FBXO28: variants seen among roughly 807,000 people sequenced by gnomAD.
FBXO28 encodes the protein F-box protein 28.
In FBXO28, 8 loss-of-function variants were observed where a neutral mutation model predicts 38.1. That is an observed-to-expected ratio of 0.21 (90% CI 0.12 to 0.38). The LOEUF (loss-of-function observed/expected upper bound fraction) is 0.38, where lower values mean the gene tolerates loss of function less well. FBXO28 is among the 10% of genes least tolerant of loss of function. The pLI is 1.00. For missense variants in FBXO28, 345 were observed against 460.6 expected (o/e 0.75, Z 2.30); for synonymous variants, 168 against 173.8 (o/e 0.97, Z 0.26).
chr1:224,157,673 C>A lies in FBXO28; in HGVS notation c.1034C>A (p.Pro345His). The A allele has an allele frequency of 1.9e-6, 3 of 1,613,308 alleles. No individual in the cohort carries two copies. The highest frequency in any genetic ancestry group is 1.7e-6 in the Non-Finnish European group (2 of 1,179,814). ...SSGSGQNEES[P>H]RKRKKATEAI... The stretch of plus-strand genomic sequence containing the variant: ...GGGTCCGGGCAGAATGAGGAGTCTC[C>A]TCGGAAACGAAAAAAGGCCACGGAA... Residue 345 changes from proline (P) to histidine (H), a missense_variant, in exon 5 of 5, where the codon CCT becomes CAT. Around this residue, in one of 6 missense-constraint regions of FBXO28, gnomAD observed 151 missense variants for 188.3 expected, o/e 0.80. Transcript: ENST00000366862.
At chr1:224,140,064 C>T (rs1657308178) in intron 3 of FBXO28, among the ~76,000 whole-genome samples, 1 of 152,186 alleles carries the variant, frequency 6.6e-6, no homozygotes, top group African/African-American at 2.4e-5. Flanking sequence ...GCACTCCAGC[C>T]TGGGTGACAG....
chr1:224,118,478 GGTTAA>G (rs1386661920), intron 1 of FBXO28, among the ~76,000 whole-genome samples: 2 of 152,100 alleles, frequency 1.3e-5, no homozygotes, highest in Admixed American at 6.5e-5. Flanking sequence ...TTTGACTAAA[GGTTAA>G]GTTGAGAATT....
intron 3 of FBXO28, among the ~76,000 whole-genome samples, chr1:224,141,871 TGC>T (rs1657362518): frequency 1.3e-5 from 2 of 150,856 alleles, no homozygotes; most frequent in South Asian, 4.2e-4. Flanking sequence ...TTGTAAACAC[TGC>T]ATACTGAGGC....
intron 1 of FBXO28, among the ~76,000 whole-genome samples, chr1:224,117,618 G>A (rs1656673037): frequency 6.6e-6 from 1 of 152,156 alleles, no homozygotes; most frequent in Admixed American, 6.5e-5. Flanking sequence ...CAGTAAAACA[G>A]AGAAATTTGT....
intron 3 of FBXO28, among the ~76,000 whole-genome samples, chr1:224,140,806 C>T (rs953716195): frequency 2.0e-5 from 3 of 151,830 alleles, no homozygotes; most frequent in African/African-American, 7.3e-5. Context: ...ATTAGCCGAG[C>T]ATGGTGGCAC....
At position 224,124,416 on chromosome 1, in the gene FBXO28, C is replaced by T. The variant is rs554987135; in HGVS notation, c.268-6056C>T. 1.7e-3 allele frequency among the ~76,000 whole-genome samples: 254 copies of T among 152,292 alleles called. 2 individuals are homozygous for T. Among genetic ancestry groups the T allele is most frequent in the African/African-American group, 5.5e-3 (230 of 41,562 alleles). On this transcript the variant is annotated intron_variant, in intron 1 of 4. Transcript: ENST00000366862. ...CCCTGATAGTTTTTGACATGGTCATCATCTTTAGGCTCCATATATTAGGCT... is the reference window on the plus strand; with the variant it reads ...CCCTGATAGTTTTTGACATGGTCATTATCTTTAGGCTCCATATATTAGGCT...
At chr1:224,130,850 A>G (rs1657022374) in intron 2 of FBXO28, 1 of 317,258 alleles carries the variant, frequency 3.2e-6, no homozygotes, top group African/African-American at 2.2e-5. Context: ...CTGTTCACAG[A>G]TGATATGATC....
intron 1 of FBXO28, among the ~76,000 whole-genome samples, chr1:224,120,371 T>A (rs1656743778): frequency 6.6e-6 from 1 of 152,222 alleles, no homozygotes; most frequent in African/African-American, 2.4e-5. Context: ...CTATAATTCT[T>A]CTCTGAACTT....
chr1:224,134,955 G>T (rs982849883), intron 3 of FBXO28, among the ~76,000 whole-genome samples: 1 of 152,050 alleles, frequency 6.6e-6, no homozygotes, highest in African/African-American at 2.4e-5. Context: ...CTGAATGTTC[G>T]CTTTTTGTTA....
Position 224,121,380 on chromosome 1 carries a change from C to T in FBXO28, c.267+6984C>T, listed in dbSNP as rs201946547. On this transcript the variant is annotated intron_variant, in intron 1 of 4. Transcript: ENST00000366862. ...TCCAAGTGAATATCTAGGGTATATA[C>T]GCAGAGAATCTAAAATTTGTTGTAA... Among the ~76,000 whole-genome samples the T allele has an allele frequency of 9.8e-4, 149 of 152,228 alleles. 1 individual carries two copies. The East Asian group carries it at 0.02, about 20-fold the overall frequency.
At chr1:224,143,700 A>T (rs1010601983) in intron 3 of FBXO28, among the ~76,000 whole-genome samples, 4 of 151,820 alleles carry the variant, frequency 2.6e-5, no homozygotes, top group African/African-American at 9.7e-5. Flanking sequence ...GCCAGGCGTG[A>T]TGGCGGGCAC....
At chr1:224,139,403 C>T (rs997298941) in intron 3 of FBXO28, among the ~76,000 whole-genome samples, 1 of 151,766 alleles carries the variant, frequency 6.6e-6, no homozygotes, top group Admixed American at 6.6e-5. Flanking sequence ...ATTTGCAAAT[C>T]TAGCAGTTAT....
intron 4 of FBXO28, among the ~76,000 whole-genome samples, chr1:224,153,936 G>A (rs1657707476): frequency 7.0e-6 from 1 of 143,306 alleles, no homozygotes; most frequent in African/African-American, 2.6e-5. Context: ...AAAAAAAAAA[G>A]AAATAGGATT....
Position 224,138,990 on chromosome 1 carries a change from A to G in FBXO28, c.516+4778A>G, listed in dbSNP as rs536074383. Among the ~76,000 whole-genome samples, 86 of 151,782 alleles carry G rather than the reference A, an allele frequency of 5.7e-4. 2 individuals carry two copies. The South Asian group carries it at 0.013, about 23-fold the overall frequency. On this transcript the variant is annotated intron_variant, in intron 3 of 4. Transcript: ENST00000366862. ...AATAGAGACGGGGTTTGACCGTGTTAGCCAGGATGGCCTCAATCTCCTGAC... is the reference window on the plus strand; with the variant it reads ...AATAGAGACGGGGTTTGACCGTGTTGGCCAGGATGGCCTCAATCTCCTGAC...
rs545797115 is a variant in FBXO28, at chr1:224,139,018, T to C, written c.516+4806T>C. ...CAGGATGGCCTCAATCTCCTGACCT[T>C]GTGATGCGCCCACCTTAGCCTCCCA... is the stretch of plus-strand genomic sequence containing the variant. On this transcript the variant is annotated intron_variant, in intron 3 of 4. Coordinates refer to ENST00000366862, the MANE Select transcript of FBXO28 (RefSeq NM_015176.4). Among the ~76,000 whole-genome samples the C allele has an allele frequency of 1.6e-4, 24 of 151,656 alleles. 2 individuals are homozygous for C. The highest frequency in any genetic ancestry group is 3.9e-4 in the African/African-American group (16 of 41,066).
chr1:224,154,649 A>T (rs1330710767), intron 4 of FBXO28, among the ~76,000 whole-genome samples: 2 of 152,148 alleles, frequency 1.3e-5, no homozygotes, highest in Non-Finnish European at 2.9e-5. Context: ...TCTACTAAAA[A>T]TACAAAAAAT....
rs770413094 is a variant in FBXO28 at position 224,114,225 on chromosome 1, G to T, written c.96G>T (p.Gln32His). The T allele has an allele frequency of 9.0e-6, 14 of 1,550,534 alleles. No individual in the cohort carries two copies. The highest frequency in any genetic ancestry group is 1.2e-5 in the Non-Finnish European group (14 of 1,147,466). The change falls in exon 1 of 5, where the codon CAG (glutamine) becomes CAT (histidine). Residue 32 changes from glutamine (Q) to histidine (H), a missense_variant. Coordinates refer to ENST00000366862, the MANE Select transcript of FBXO28 (RefSeq NM_015176.4). ...TGGCCTCCGGCTCTACCCAGCGACA[G>T]CCTCCACCGCCCGCGCCACAGCACC... Reference protein sequence around the residue: ...SSLASGSTQRQPPPPAPQHPQ... With the variant: ...SSLASGSTQRHPPPPAPQHPQ...
chr1:224,124,317 C>T (rs6658494), intron 1 of FBXO28, among the ~76,000 whole-genome samples: 1 of 152,132 alleles, frequency 6.6e-6, no homozygotes, highest in South Asian at 2.1e-4. Context: ...CAAGCTATAT[C>T]TTTGTTCTTC....
intron 3 of FBXO28, among the ~76,000 whole-genome samples, chr1:224,142,817 G>A (rs538390326): frequency 4.9e-4 from 74 of 152,108 alleles, no homozygotes; most frequent in African/African-American, 1.7e-3. Flanking sequence ...ATGGTGGTGC[G>A]TGCCTGTAAT....
Sources: gnomAD v4.1 joint callset for allele counts (sites outside exome capture counted in the v4.1 genomes callset) on GRCh38, gnomAD v4.1.1 for gene constraint, gnomAD v4.1.1 regional missense constraint, MANE v1.5 for transcripts, NCBI Gene and HGNC (gene_info 2026-07-23, HGNC 2026-07-21) for gene names.